CNPY3: variants seen among roughly 807,000 people sequenced by gnomAD.
CNPY3 encodes protein canopy homolog 3.
CNPY3 carries 20 observed loss-of-function variants against 32.0 expected under a neutral mutation model. The observed-to-expected ratio is 0.63, with a 90% CI of 0.44 to 0.91. The LOEUF (loss-of-function observed/expected upper bound fraction) is 0.91. Among genes scored for constraint, CNPY3 ranks in the 40% least tolerant of loss-of-function variants. CNPY3 has a pLI of 0.00. For missense variants in CNPY3, 299 were observed against 340.8 expected, an observed-to-expected ratio of 0.88 and a Z score of 0.97; for synonymous variants, 138 against 142.9, an observed-to-expected ratio of 0.97 and a Z score of 0.24.
At chr6:42,937,390 G>A (rs1768307611) in intron 3 of CNPY3, among the ~76,000 whole-genome samples, 1 of 152,038 alleles carries the variant, frequency 6.6e-6, no homozygotes, top group South Asian at 2.1e-4. Flanking sequence ...AAAACTTGAT[G>A]CTAGGAGTTC....
upstream of CNPY3, among the ~76,000 whole-genome samples, chr6:42,928,024 G>A (rs1241329627): frequency 3.4e-5 from 5 of 145,890 alleles, no homozygotes; most frequent in East Asian, 8.4e-4. Context: ...GTCTTGCCCT[G>A]TCGCCCAGGC....
At chr6:42,929,022 G>A (rs923563936), upstream of CNPY3, among the ~76,000 whole-genome samples, 15 of 152,122 alleles carry the variant, frequency 9.9e-5, no homozygotes, top group Non-Finnish European at 1.8e-4. Flanking sequence ...AAGAGTGCCC[G>A]GCTATAACAA....
intron 1 of CNPY3, among the ~76,000 whole-genome samples, chr6:42,934,051 C>A (rs1768031623): frequency 6.6e-6 from 1 of 152,086 alleles, no homozygotes; most frequent in South Asian, 2.1e-4. Flanking sequence ...TGCCTGTAAT[C>A]CCAGCTACTT....
chr6:42,936,186 A>G (rs1403405895), intron 3 of CNPY3, among the ~76,000 whole-genome samples: 1 of 133,738 alleles, frequency 7.5e-6, no homozygotes, highest in Non-Finnish European at 1.6e-5. Context: ...CTTACTCTCT[A>G]CATCTTCAGT....
At chr6:42,929,267 A>G (rs1163815574), upstream of CNPY3, 1 of 333,882 alleles carries the variant, frequency 3.0e-6, no homozygotes, top group Non-Finnish European at 5.5e-6. Context: ...GGGGTGGGAA[A>G]GGACTTTGCC....
At chr6:42,934,872 GT>G (rs1304879028) in intron 2 of CNPY3, among the ~76,000 whole-genome samples, 1 of 151,534 alleles carries the variant, frequency 6.6e-6, no homozygotes, top group Non-Finnish European at 1.5e-5. Context: ...AGCAATGCAA[GT>G]TTTTTTTTGC....
At chr6:42,935,851 T>G (rs775277632) in intron 3 of CNPY3, among the ~76,000 whole-genome samples, 181 bp downstream of exon 3, 1 of 152,174 alleles carries the variant, frequency 6.6e-6, no homozygotes, top group Non-Finnish European at 1.5e-5. Flanking sequence ...TTCAGGCACA[T>G]GCATGAGGGT....
At position 42,937,768 on chromosome 6, in the gene CNPY3, A is replaced by G. The variant is rs112993809; in HGVS notation, c.424A>G (p.Lys142Glu). 3.7e-6 allele frequency: 6 copies of G among 1,613,934 alleles called. No homozygotes were observed. The highest frequency in any genetic ancestry group is 5.1e-6 in the Non-Finnish European group (6 of 1,179,946). Reference sequence around the variant, plus strand: ...ACACAACCTGGTACACAAAGGGGTCAAGGTGGTGATGGACATCCCCTATGA... The same window carrying G: ...ACACAACCTGGTACACAAAGGGGTCGAGGTGGTGATGGACATCCCCTATGA... ...TLHNLVHKGV[K>E]VVMDIPYELW... Residue 142 changes from lysine to glutamate, a missense_variant, in exon 4 of 6, where the codon AAG becomes GAG. Lys to Glu is a moderately conservative substitution (Grantham distance 56). This residue lies in a region of CNPY3 where 211 missense variants were observed against 278.3 expected (regional missense o/e 0.76). Transcript: ENST00000372836.
In CNPY3 at chr6:42,938,875, C is replaced by G; in HGVS notation, c.*84C>G. 1 of 1,461,024 alleles carries G rather than the reference C, an allele frequency of 6.8e-7. No homozygotes were observed. Among genetic ancestry groups the G allele is most frequent in the Non-Finnish European group, 9.1e-7 (1 of 1,101,894 alleles). 90.5% of individuals were successfully genotyped at this position (1,461,024 alleles called of 1,614,324 possible). A position where few individuals can be genotyped will look rare whatever the true frequency, so the allele number is the denominator to read the frequency against. ...ATGGCTCTGGCAGGCCGGGATGGCC[C>G]CGCAGCCTTCAGCCCCTCCTTGCCT... On this transcript the variant is annotated 3_prime_UTR_variant, in exon 6 of 6. Coordinates refer to ENST00000372836, the MANE Select transcript of CNPY3 (RefSeq NM_006586.5).
chr6:42,934,472 C>T lies in CNPY3; in HGVS notation c.152-3C>T, dbSNP rs376519254. On this transcript the variant is annotated splice_polypyrimidine_tract_variant and splice_region_variant and intron_variant, in intron 1 of 5. Transcript: ENST00000372836. Reference sequence around the variant, plus strand: ...AGTGGGCTGTGCTACCTCCCTCCCCCAGTGTGTAAATATGTTGCTGTGGAG... The same window carrying T: ...AGTGGGCTGTGCTACCTCCCTCCCCTAGTGTGTAAATATGTTGCTGTGGAG... The T allele has an allele frequency of 1.9e-6, 3 of 1,613,976 alleles. No homozygotes were observed. The highest frequency in any genetic ancestry group is 2.5e-6 in the Non-Finnish European group (3 of 1,179,926).
chr6:42,938,677 C>T lies in CNPY3; in HGVS notation c.723C>T (p.Ser241=). Residue 241 remains serine, a synonymous_variant, in exon 6 of 6, where the codon AGC becomes AGT. Coordinates refer to ENST00000372836, the MANE Select transcript of CNPY3 (RefSeq NM_006586.5). Reference sequence around the variant, plus strand: ...CCAAGGCAGCAGGCGGCAGGAGTAGCAGCAGCAAACAAAGGAAGGAGCTGG... The same window carrying T: ...CCAAGGCAGCAGGCGGCAGGAGTAGTAGCAGCAAACAAAGGAAGGAGCTGG... ...SRAKAAGGRS[S]SSKQRKELGG... is the part of the protein sequence containing the mutation. 1 of 1,613,740 alleles carries T rather than the reference C, an allele frequency of 6.2e-7. No homozygotes were observed. Among genetic ancestry groups the T allele is most frequent in the Non-Finnish European group, 8.5e-7 (1 of 1,179,848 alleles).
chr6:42,937,008 T>G (rs1768280166), intron 3 of CNPY3, among the ~76,000 whole-genome samples: 1 of 152,186 alleles, frequency 6.6e-6, no homozygotes, highest in African/African-American at 2.4e-5. Context: ...CCTAGGCAGC[T>G]AGCAGAGATA....
rs570136285 is a variant in CNPY3 at position 42,935,561 on chromosome 6, C to T, written c.276-13C>T. 6.2e-7 allele frequency: 1 copy of T among 1,603,284 alleles called. No individual in the cohort carries two copies. The highest frequency in any genetic ancestry group is 1.7e-5 in the Admixed American group (1 of 59,886). ...GGAGGGGAACTCAGTTCCTCATCCT[C>T]CTGTCTTGGCAGGGACTTGCGGTTA... On this transcript the variant is annotated splice_polypyrimidine_tract_variant and intron_variant, in intron 2 of 5. Coordinates refer to ENST00000372836, the MANE Select transcript of CNPY3 (RefSeq NM_006586.5).
At chr6:42,936,080 C>G (rs566113299) in intron 3 of CNPY3, among the ~76,000 whole-genome samples, 1 of 133,910 alleles carries the variant, frequency 7.5e-6, no homozygotes, top group East Asian at 2.1e-4. Flanking sequence ...CTCCCACAAC[C>G]CCGCTGGGAT....
At chr6:42,933,006 C>A (rs578051660) in intron 1 of CNPY3, among the ~76,000 whole-genome samples, 1 of 152,090 alleles carries the variant, frequency 6.6e-6, no homozygotes, top group East Asian at 1.9e-4. Flanking sequence ...TAAGGAAATA[C>A]GAAAAAATCT....
At chr6:42,929,798 G>C (rs2114148083) in intron 1 of CNPY3, 77 bp downstream of exon 1, 1 of 1,458,008 alleles carries the variant, frequency 6.9e-7, no homozygotes, top group South Asian at 1.3e-5. Context: ...AGCAGCGTCG[G>C]GGGTTGCAAG....
chr6:42,934,791 G>T (rs1371369571), intron 2 of CNPY3, among the ~76,000 whole-genome samples, 193 bp downstream of exon 2: 1 of 152,216 alleles, frequency 6.6e-6, no homozygotes, highest in African/African-American at 2.4e-5. Context: ...TTATGCTTCA[G>T]CAGATTTCTC....
Position 42,929,662 on chromosome 6 carries a change from G to A in CNPY3, c.92G>A (p.Gly31Asp). The A allele has an allele frequency of 6.4e-7, 1 of 1,552,616 alleles. No individual in the cohort carries two copies. The highest frequency in any genetic ancestry group is 8.7e-7 in the Non-Finnish European group (1 of 1,148,598). The change falls in exon 1 of 6, where the codon GGC (glycine) becomes GAC (aspartate). Residue 31 changes from glycine (G) to aspartate (D), a missense_variant. Physicochemically the swap from Gly to Asp is moderately conservative, Grantham distance 94 (BLOSUM62 -1). Around this residue, in one of 2 missense-constraint regions of CNPY3, gnomAD observed 88 missense variants for 62.5 expected, o/e 1.41. Coordinates refer to ENST00000372836, the MANE Select transcript of CNPY3 (RefSeq NM_006586.5). ...LLLLLPAPEL[G>D]PSQAGAEEND... ...CTGCTGCTGCCGGCCCCGGAGCTGG[G>A]CCCGAGCCAGGCCGGAGCTGAGGAG... is the stretch of plus-strand genomic sequence containing the variant.
intron 1 of CNPY3, among the ~76,000 whole-genome samples, chr6:42,931,689 GCTTCCT>G (rs1767832521): frequency 6.6e-6 from 1 of 150,832 alleles, no homozygotes; most frequent in Non-Finnish European, 1.5e-5. Flanking sequence ...TCAGCGTTTC[GCTTCCT>G]CTTCTCTTTC....
Sources: gnomAD v4.1 joint callset for allele counts (sites outside exome capture counted in the v4.1 genomes callset) on GRCh38, gnomAD v4.1.1 for gene constraint, gnomAD v4.1.1 regional missense constraint, MANE v1.5 for transcripts, NCBI Gene and HGNC (gene_info 2026-07-23, HGNC 2026-07-21) for gene names.